The following OMA1 variants were observed in gnomAD, a reference collection of about 807,000 sequenced individuals.
OMA1 encodes the protein metalloendopeptidase OMA1, mitochondrial.
A neutral mutation model predicts 30.9 loss-of-function variants in OMA1; 38 were observed. That is an observed-to-expected ratio of 1.23 (90% CI 0.95 to 1.61). The LOEUF (loss-of-function observed/expected upper bound fraction) is 1.61, where lower values mean the gene tolerates loss of function less well. OMA1 is among the 40% of genes most tolerant of loss of function. The pLI is 0.00. For synonymous variants in OMA1, 173 were observed against 121.9 expected, an observed-to-expected ratio of 1.42 and a Z score of -2.76; for missense variants, 461 against 349.2, an observed-to-expected ratio of 1.32 and a Z score of -2.55.
intron 7 of OMA1, among the ~76,000 whole-genome samples, chr1:58,519,232 T>A (rs1191159026): frequency 6.6e-6 from 1 of 152,196 alleles, no homozygotes; most frequent in East Asian, 1.9e-4. Flanking sequence ...CAAACCAGTT[T>A]ACTTGTTTTT....
chr1:58,527,197 T>C, intron 7 of OMA1, 64 bp downstream of exon 7: 1 of 831,592 alleles, frequency 1.2e-6, no homozygotes, highest in South Asian at 1.3e-5. Context: ...CTCATTAAAA[T>C]AACACACGTT....
chr1:58,512,260 G>A (rs543539943), intron 7 of OMA1, among the ~76,000 whole-genome samples: 37 of 152,108 alleles, frequency 2.4e-4, no homozygotes, highest in Non-Finnish European at 4.7e-4. Context: ...CTAAGTGTTG[G>A]CAAGGATGTG....
intron 8 of OMA1, among the ~76,000 whole-genome samples, chr1:58,501,086 C>T (rs899733462): frequency 5.3e-5 from 8 of 152,132 alleles, no homozygotes; most frequent in African/African-American, 1.9e-4. Flanking sequence ...ATGTGTTTAA[C>T]TGATTATTTC....
chr1:58,504,457 C>T (rs1422294800), intron 8 of OMA1, among the ~76,000 whole-genome samples: 1 of 152,170 alleles, frequency 6.6e-6, no homozygotes, highest in African/African-American at 2.4e-5. Context: ...GACAACCGAA[C>T]ATAGACTAGT....
intron 8 of OMA1, among the ~76,000 whole-genome samples, chr1:58,485,792 G>A (rs977468507): frequency 3.9e-5 from 6 of 152,016 alleles, no homozygotes; most frequent in East Asian, 3.9e-4. Flanking sequence ...TTAACTCCAC[G>A]CACTGCACAT....
At chr1:58,542,403 TAATCTAGTTGGGGAGACAAAACTG>T (rs1457833677) in intron 1 of OMA1, 1 of 152,256 alleles carries the variant, frequency 6.6e-6, no homozygotes, top group Non-Finnish European at 1.5e-5. Context: ...ATGGAGGTTA[TAATCTAGTTGGGGAGACAAAACTG>T]AACCTAAGTA....
chr1:58,511,912 T>C (rs763749749), intron 7 of OMA1, among the ~76,000 whole-genome samples: 5 of 151,908 alleles, frequency 3.3e-5, no homozygotes, highest in Non-Finnish European at 7.4e-5. Flanking sequence ...AAGGCAAAAA[T>C]AGACAGGTGG....
At chr1:58,508,488 T>C (rs1269660063) in intron 7 of OMA1, among the ~76,000 whole-genome samples, 2 of 152,122 alleles carry the variant, frequency 1.3e-5, no homozygotes. Flanking sequence ...ACATCAAACC[T>C]GGTAGAAGAC....
intron 2 of OMA1, among the ~76,000 whole-genome samples, chr1:58,538,394 C>T (rs1235481060): frequency 6.6e-6 from 1 of 152,054 alleles, no homozygotes; most frequent in African/African-American, 2.4e-5. Context: ...TTAAATTCCA[C>T]AAATTAAAAA....
chr1:58,497,846 T>C (rs1645830629), intron 8 of OMA1, among the ~76,000 whole-genome samples: 1 of 152,196 alleles, frequency 6.6e-6, no homozygotes. Context: ...TGTCTTAGTT[T>C]CAGTTGAAGA....
At chr1:58,532,623 G>C (rs1035628744) in intron 5 of OMA1, among the ~76,000 whole-genome samples, 1 of 152,154 alleles carries the variant, frequency 6.6e-6, no homozygotes, top group Non-Finnish European at 1.5e-5. Context: ...GATCTCCCAG[G>C]CTCAAGCAAT....
At chr1:58,517,908 C>T (rs1346231551) in intron 7 of OMA1, among the ~76,000 whole-genome samples, 2 of 151,640 alleles carry the variant, frequency 1.3e-5, no homozygotes, top group South Asian at 2.1e-4. Flanking sequence ...AGTATCAGGC[C>T]GGGCACAGTG....
chr1:58,483,700 G>A (rs751272503), intron 8 of OMA1, among the ~76,000 whole-genome samples: 4 of 152,066 alleles, frequency 2.6e-5, no homozygotes, highest in Admixed American at 1.3e-4. Flanking sequence ...TCAGCTAAAC[G>A]GTGACCTACT....
chr1:58,523,700 C>A (rs545188564), intron 7 of OMA1, among the ~76,000 whole-genome samples: 2 of 152,092 alleles, frequency 1.3e-5, no homozygotes, highest in Non-Finnish European at 2.9e-5. Flanking sequence ...GAGATCGAGA[C>A]CATCCTGGCT....
chr1:58,492,020 G>C (rs1645702921), intron 8 of OMA1, among the ~76,000 whole-genome samples: 1 of 152,128 alleles, frequency 6.6e-6, no homozygotes, highest in Non-Finnish European at 1.5e-5. Context: ...TGGAAGTAAA[G>C]CACTCCTCAG....
intron 7 of OMA1, among the ~76,000 whole-genome samples, chr1:58,525,073 C>T (rs1402511378): frequency 6.6e-6 from 1 of 152,170 alleles, no homozygotes; most frequent in Non-Finnish European, 1.5e-5. Context: ...TTACATTTCT[C>T]TCAACTGCAA....
intron 7 of OMA1, 85 bp downstream of exon 7, chr1:58,527,176 T>G (rs1219767552): frequency 1.3e-6 from 1 of 792,514 alleles, no homozygotes; most frequent in Non-Finnish European, 2.3e-6. Flanking sequence ...CATTCTCTGC[T>G]TATGCCAAGC....
chr1:58,503,350 C>T (rs768391655), intron 8 of OMA1, among the ~76,000 whole-genome samples: 12 of 152,132 alleles, frequency 7.9e-5, no homozygotes, highest in African/African-American at 1.2e-4. Flanking sequence ...TGAAGAAATA[C>T]ATAATGTCCC....
In OMA1 at chr1:58,506,173, G is replaced by C. The variant is rs773802689; in HGVS notation, c.1252C>G (p.Gln418Glu). ...AGGCTATCAACGAACTCCATTTGCT[G>C]CCAAAACACTGAACTGGCTCTTATG... is the stretch of plus-strand genomic sequence containing the variant. ...ADIRASSVFWQQMEFVDSLHG... is the reference protein window; with the variant it reads ...ADIRASSVFWEQMEFVDSLHG... Residue 418 changes from glutamine (Q) to glutamate (E), a missense_variant, in exon 8 of 9, where the codon CAG (glutamine) becomes GAG (glutamate). Coordinates refer to ENST00000371226, the MANE Select transcript of OMA1 (RefSeq NM_145243.5). The C allele has an allele frequency of 1.1e-6, 1 of 871,938 alleles. No individual in the cohort carries two copies. 54.0% of individuals were successfully genotyped at this position (871,938 alleles called of 1,614,324 possible).
Sources: gnomAD v4.1 joint callset for allele counts (sites outside exome capture counted in the v4.1 genomes callset) on GRCh38, gnomAD v4.1.1 for gene constraint, MANE v1.5 for transcripts, NCBI Gene and HGNC (gene_info 2026-07-23, HGNC 2026-07-21) for gene names.